The following ABCB4 variants were observed in gnomAD, a reference collection of about 807,000 sequenced individuals.
The protein encoded by ABCB4 is ATP binding cassette subfamily B member 4.
A neutral mutation model predicts 145.7 loss-of-function variants in ABCB4; 76 were observed. That is an observed-to-expected ratio of 0.52 (90% CI 0.43 to 0.63). ABCB4 has a LOEUF of 0.63. Among genes scored for constraint, ABCB4 ranks in the 30% least tolerant of loss-of-function variants. The probability of loss-of-function intolerance (pLI) is 0.00; values close to 1 mark genes in which losing one functional copy is unlikely to be tolerated. For missense variants in ABCB4, 1,234 were observed against 1,553.1 expected (o/e 0.79, Z 3.45); for synonymous variants, 517 against 566.8 (o/e 0.91, Z 1.25).
At position 87,459,997 on chromosome 7, in the gene ABCB4, G is replaced by A. The variant is rs570820612; in HGVS notation, c.286+2761C>T. ...CTGACAATTCAGGAGTTGGAGAAAC[G>A]TCTTTGTAGTTTCTTTGATTTTTTT... On this transcript the variant is annotated intron_variant, in intron 4 of 27. Transcript: ENST00000649586. Among the ~76,000 whole-genome samples, 12 of 152,246 alleles carry A rather than the reference G, an allele frequency of 7.9e-5. No individual in the cohort carries two copies. In the South Asian group the frequency reaches 1.0e-3, roughly 13 times the overall value.
At chr7:87,377,382 G>A in the ABCB4 span, 3 of 1,610,830 alleles carry the variant, frequency 1.9e-6, no homozygotes, top group Non-Finnish European at 2.5e-6. Context: ...AGATCCAACA[G>A]TACGCTGGGG....
chr7:87,420,483 A>G (rs1306990242), intron 18 of ABCB4, among the ~76,000 whole-genome samples: 3 of 152,162 alleles, frequency 2.0e-5, no homozygotes, highest in Admixed American at 2.0e-4. Context: ...TGCTTTGGGA[A>G]CTAAGCTCTG....
intron 13 of ABCB4, 141 bp downstream of exon 13, chr7:87,440,058 C>T: frequency 8.8e-7 from 1 of 1,138,210 alleles, no homozygotes; most frequent in South Asian, 1.3e-5. Context: ...TAACCCCTAA[C>T]TGAGTCATTC....
At chr7:87,469,071 A>G (rs763978525) in intron 3 of ABCB4, among the ~76,000 whole-genome samples, 24 of 152,216 alleles carry the variant, frequency 1.6e-4, no homozygotes, top group Admixed American at 1.2e-3. Context: ...GGTTCAACAT[A>G]CACAAATCAA....
the ABCB4 span, among the ~76,000 whole-genome samples, chr7:87,387,164 T>C: frequency 2.6e-5 from 4 of 151,960 alleles, no homozygotes; most frequent in Admixed American, 1.3e-4. Context: ...CTGAGGATAA[T>C]TGGTACTAGA....
Position 87,401,772 on chromosome 7 carries a change from T to C in ABCB4, c.*324A>G, listed in dbSNP as rs1011994350. On this transcript the variant is annotated 3_prime_UTR_variant, in exon 28 of 28. Transcript: ENST00000649586. The stretch of plus-strand genomic sequence containing the variant: ...AAACTTTCCTGTCTACCCAACCCAT[T>C]CAGGACCATAAGACCATTTCCCTAT... The C allele has an allele frequency of 2.4e-6, 1 of 412,558 alleles. No homozygotes were observed. Among genetic ancestry groups the C allele is most frequent in the Non-Finnish European group, 4.5e-6 (1 of 220,076 alleles). The allele number at this position is 412,558 out of a possible 1,614,324, so 25.6% of individuals were successfully genotyped here.
chr7:87,367,903 A>C, the ABCB4 span, among the ~76,000 whole-genome samples: 3 of 152,138 alleles, frequency 2.0e-5, no homozygotes, highest in African/African-American at 7.2e-5. Flanking sequence ...AACTTGGCAT[A>C]CCTTCTCTTC....
the ABCB4 span, chr7:87,375,812 T>G: frequency 6.2e-7 from 1 of 1,613,094 alleles, no homozygotes; most frequent in Non-Finnish European, 8.5e-7. Flanking sequence ...TTGATCATCA[T>G]CTCCTTGCCC....
the ABCB4 span, chr7:87,392,599 T>A: frequency 6.2e-7 from 1 of 1,613,582 alleles, no homozygotes; most frequent in Non-Finnish European, 8.5e-7. Context: ...GTTACAAGCT[T>A]TTGCAAAGCA....
chr7:87,453,599 C>A (rs188309648), intron 5 of ABCB4, among the ~76,000 whole-genome samples: 265 of 151,808 alleles, frequency 1.7e-3, no homozygotes, highest in African/African-American at 6.1e-3. Context: ...TTACATTTTT[C>A]TTTTTTTAAA....
chr7:87,449,958 C>A lies in ABCB4; in HGVS notation c.833+10G>T, dbSNP rs1480581561. On this transcript the variant is annotated intron_variant, in intron 8 of 27. Coordinates refer to ENST00000649586, the MANE Select transcript of ABCB4 (RefSeq NM_000443.4). ...ATTCCTTAAACCAGTGGCTAAAGAA[C>A]CTTCCTGACCTTTCCAGCTCTTTGT... 6 of 1,614,096 alleles carry A rather than the reference C, an allele frequency of 3.7e-6. No individual in the cohort carries two copies. In the East Asian group the frequency reaches 1.1e-4, roughly 30 times the overall value.
At chr7:87,435,641 G>A (rs1372735942) in intron 14 of ABCB4, among the ~76,000 whole-genome samples, 1 of 152,152 alleles carries the variant, frequency 6.6e-6, no homozygotes, top group South Asian at 2.1e-4. Flanking sequence ...AGGCCACTTT[G>A]AATATTCCAG....
chr7:87,389,827 GTTGTTCC>G, the ABCB4 span, among the ~76,000 whole-genome samples: 106,941 of 151,716 alleles, frequency 0.7, 39,619 homozygotes, highest in Middle Eastern at 0.83. Context: ...AGTTTTTGTT[GTTGTTCC>G]TAGCATTAAG....
At chr7:87,417,240 T>G in intron 21 of ABCB4, 72 bp downstream of exon 21, 1 of 1,399,816 alleles carries the variant, frequency 7.1e-7, no homozygotes, top group Non-Finnish European at 1.0e-6. Flanking sequence ...CTGCATATCA[T>G]GATAAATAAT....
chr7:87,380,601 G>C, the ABCB4 span, among the ~76,000 whole-genome samples: 1 of 152,166 alleles, frequency 6.6e-6, no homozygotes, highest in African/African-American at 2.4e-5. Flanking sequence ...GTAAGTGCAA[G>C]AAATGAAAGG....
At chr7:87,370,685 A>G in the ABCB4 span, among the ~76,000 whole-genome samples, 1 of 152,180 alleles carries the variant, frequency 6.6e-6, no homozygotes, top group Non-Finnish European at 1.5e-5. Flanking sequence ...TAATACTCCA[A>G]AGATTCCCGT....
intron 4 of ABCB4, among the ~76,000 whole-genome samples, chr7:87,460,666 T>C (rs1812397852): frequency 6.7e-6 from 1 of 149,824 alleles, no homozygotes; most frequent in South Asian, 2.1e-4. Context: ...ATTTATTTAT[T>C]TTGAGACAAG....
Position 87,437,510 on chromosome 7 carries a change from C to G in ABCB4, c.1731+2157G>C, listed in dbSNP as rs546292926. On this transcript the variant is annotated intron_variant, in intron 14 of 27. Coordinates refer to ENST00000649586, the MANE Select transcript of ABCB4 (RefSeq NM_000443.4). The stretch of plus-strand genomic sequence containing the variant: ...ACATAGCAATAGGTAACCAATTTAG[C>G]AACCAAAAAATAATAATAATAATAA... Among the ~76,000 whole-genome samples, 29 of 152,180 alleles carry G rather than the reference C, an allele frequency of 1.9e-4. No individual in the cohort carries two copies. The South Asian group carries it at 2.1e-3, about 11-fold the overall frequency.
chr7:87,433,672 GTTGTTT>G (rs1320888973), intron 14 of ABCB4, among the ~76,000 whole-genome samples: 46 of 118,218 alleles, frequency 3.9e-4, no homozygotes, highest in African/African-American at 1.9e-3. Flanking sequence ...AAAAATTGTT[GTTGTTT>G]TTTTTTTTTT....
Sources: gnomAD v4.1 joint callset for allele counts (sites outside exome capture counted in the v4.1 genomes callset) on GRCh38, gnomAD v4.1.1 for gene constraint, MANE v1.5 for transcripts, NCBI Gene and HGNC (gene_info 2026-07-23, HGNC 2026-07-21) for gene names.